The following PTPRN2 variants were observed in gnomAD, a reference collection of about 807,000 sequenced individuals.
PTPRN2 encodes the protein protein tyrosine phosphatase receptor type N2.
Under a neutral mutation model 118.8 loss-of-function variants are expected in PTPRN2, and 74 were observed. That is an observed-to-expected ratio of 0.62 (90% CI 0.52 to 0.76). The LOEUF is 0.76. Ranked by LOEUF, PTPRN2 falls within the 30% of genes least tolerant of loss-of-function variation. The probability of loss-of-function intolerance (pLI) is 0.00; values close to 1 mark genes in which losing one functional copy is unlikely to be tolerated. For synonymous variants in PTPRN2, 641 were observed against 608.0 expected (o/e 1.05, Z -0.80); for missense variants, 1,481 against 1,394.4 (o/e 1.06, Z -0.99).
intron 12 of PTPRN2, among the ~76,000 whole-genome samples, chr7:157,775,869 T>C (rs1216477544): frequency 1.3e-5 from 2 of 152,094 alleles, no homozygotes; most frequent in African/African-American, 4.8e-5. Context: ...TTGAGCCGTT[T>C]CTGTTCATGA....
rs1007946344 is a variant in PTPRN2, at chr7:157,550,472, C to T, written c.2903-1453G>A. On this transcript the variant is annotated intron_variant, in intron 21 of 22. Coordinates refer to ENST00000389418, the MANE Select transcript of PTPRN2 (RefSeq NM_002847.5). This position sits in a 1 kb window ranked among gnomAD's most constrained non-coding sequence, Gnocchi z 5.2. ...TGGAGAATCTGGCTGTCAGGACAGCCCCACAGCGGCTCCACCAGGGAGGCC... is the reference window on the plus strand; with the variant it reads ...TGGAGAATCTGGCTGTCAGGACAGCTCCACAGCGGCTCCACCAGGGAGGCC... 6.6e-6 allele frequency among the ~76,000 whole-genome samples: 1 copy of T among 152,208 alleles called. No homozygotes were observed. Among genetic ancestry groups the T allele is most frequent in the African/African-American group, 2.4e-5 (1 of 41,454 alleles).
chr7:158,296,589 G>A (rs902917068), intron 3 of PTPRN2, among the ~76,000 whole-genome samples: 4 of 152,180 alleles, frequency 2.6e-5, no homozygotes, highest in East Asian at 1.9e-4. Flanking sequence ...TGTAACACAC[G>A]CCCACTGGGG....
rs191471340 is a variant in PTPRN2 at position 157,895,164 on chromosome 7, A to T, written c.1788+3509T>A. Among the ~76,000 whole-genome samples the T allele has an allele frequency of 5.4e-5, 8 of 148,640 alleles. 1 individual carries two copies. Among genetic ancestry groups the T allele is most frequent in the African/African-American group, 2.0e-4 (8 of 40,064 alleles). ...ATAAAATAAGCCAGAGGGTCTGAAC[A>T]AGACCATAAAATAAGCCAGAGGATC... On this transcript the variant is annotated intron_variant, in intron 12 of 22. Coordinates refer to ENST00000389418, the MANE Select transcript of PTPRN2 (RefSeq NM_002847.5).
intron 1 of PTPRN2, among the ~76,000 whole-genome samples, chr7:158,520,070 T>G (rs1372319528): frequency 6.6e-6 from 1 of 152,212 alleles, no homozygotes; most frequent in Non-Finnish European, 1.5e-5. Context: ...CCCAGGGATG[T>G]CCCCCACTCA....
Position 158,451,873 on chromosome 7 carries a change from C to T in PTPRN2, c.163+37862G>A, listed in dbSNP as rs573722945. Among the ~76,000 whole-genome samples, 9 of 152,274 alleles carry T rather than the reference C, an allele frequency of 5.9e-5. No homozygotes were observed. The South Asian group carries it at 1.0e-3, about 18-fold the overall frequency. ...CGCAAAATTATTAAAAATTCCCCCA[C>T]GTTTTCTTCCAGTACTTGTAAAATT... On this transcript the variant is annotated intron_variant, in intron 2 of 22. Coordinates refer to ENST00000389418, the MANE Select transcript of PTPRN2 (RefSeq NM_002847.5).
intron 3 of PTPRN2, among the ~76,000 whole-genome samples, chr7:158,267,632 A>G (rs1392930056): frequency 1.3e-5 from 2 of 152,178 alleles, no homozygotes; most frequent in Non-Finnish European, 2.9e-5. Flanking sequence ...CTCGCCCCTG[A>G]GAGCTCCTGG....
In PTPRN2 at chr7:157,615,463, G is replaced by A. The variant is rs762739680; in HGVS notation, c.2344+5899C>T. ...GGAGGTGTTTAGCCCCGAGCCTCACGTGGAAACATCTGATGAGCCTTTGCC... is the reference window on the plus strand; with the variant it reads ...GGAGGTGTTTAGCCCCGAGCCTCACATGGAAACATCTGATGAGCCTTTGCC... On this transcript the variant is annotated intron_variant, in intron 15 of 22. Coordinates refer to ENST00000389418, the MANE Select transcript of PTPRN2 (RefSeq NM_002847.5). The surrounding 1 kb of genome is among the most constrained non-coding windows in gnomAD (Gnocchi z 4.3). 1.9e-5 allele frequency: 9 copies of A among 471,228 alleles called. No homozygotes were observed. In the East Asian group the frequency reaches 3.5e-4, roughly 18 times the overall value. The allele number at this position is 471,228 out of a possible 1,614,324, so 29.2% of individuals were successfully genotyped here. A position where few individuals can be genotyped will look rare whatever the true frequency, so the allele number is the denominator to read the frequency against.
chr7:158,450,828 G>A (rs1312556208), intron 2 of PTPRN2, among the ~76,000 whole-genome samples: 1 of 152,214 alleles, frequency 6.6e-6, no homozygotes, highest in African/African-American at 2.4e-5. Context: ...GCATCTCCCT[G>A]ACCAGGCGTA....
chr7:157,959,300 G>C (rs976558391), intron 11 of PTPRN2, among the ~76,000 whole-genome samples: 3 of 152,158 alleles, frequency 2.0e-5, no homozygotes, highest in Non-Finnish European at 4.4e-5. Context: ...ACTGGATTTG[G>C]CACTGATTTC....
In PTPRN2 at chr7:158,311,616, A is replaced by G. The variant is rs530074713; in HGVS notation, c.277+5203T>C. On this transcript the variant is annotated intron_variant, in intron 3 of 22. Transcript: ENST00000389418. The stretch of plus-strand genomic sequence containing the variant: ...AAGGTTGTGAAATTAACTCCCATTT[A>G]CCCTCCTCTTCGTGCAGAAGACTCT... 2.0e-5 allele frequency among the ~76,000 whole-genome samples: 3 copies of G among 152,234 alleles called. No homozygotes were observed. The East Asian group carries it at 5.8e-4, about 29-fold the overall frequency.
intron 3 of PTPRN2, among the ~76,000 whole-genome samples, chr7:158,266,592 A>G (rs908821807): frequency 2.0e-5 from 3 of 152,178 alleles, no homozygotes; most frequent in Non-Finnish European, 4.4e-5. Flanking sequence ...TCAGGCCTGA[A>G]TTCCGTGAAC....
At chr7:158,381,185 C>G (rs763063248) in intron 2 of PTPRN2, among the ~76,000 whole-genome samples, 1 of 152,218 alleles carries the variant, frequency 6.6e-6, no homozygotes, top group Non-Finnish European at 1.5e-5. Context: ...CAAATTTCCA[C>G]AGCTGGCTTG....
At chr7:157,889,128 G>A (rs1796650387) in intron 12 of PTPRN2, among the ~76,000 whole-genome samples, 1 of 152,020 alleles carries the variant, frequency 6.6e-6, no homozygotes, top group South Asian at 2.1e-4. Flanking sequence ...GAAAAATAAA[G>A]TCCAAAGCCC....
intron 11 of PTPRN2, among the ~76,000 whole-genome samples, chr7:157,954,798 CT>C (rs1234093757): frequency 1.3e-5 from 2 of 152,160 alleles, no homozygotes; most frequent in African/African-American, 4.8e-5. Flanking sequence ...CACAGAAGTT[CT>C]TTCTGGTATC....
chr7:157,728,399 C>T (rs1799715038), intron 12 of PTPRN2, among the ~76,000 whole-genome samples: 1 of 152,252 alleles, frequency 6.6e-6, no homozygotes, highest in African/African-American at 2.4e-5. Context: ...TGCCTCCTGC[C>T]TCTGACAGGG....
intron 1 of PTPRN2, among the ~76,000 whole-genome samples, chr7:158,577,647 C>T (rs1718157314): frequency 6.6e-6 from 1 of 152,260 alleles, no homozygotes; most frequent in African/African-American, 2.4e-5. Flanking sequence ...CTCACCTTGT[C>T]TTCATTTCCT....
chr7:157,793,937 T>C (rs1255481052), intron 12 of PTPRN2, among the ~76,000 whole-genome samples: 1 of 152,126 alleles, frequency 6.6e-6, no homozygotes, highest in African/African-American at 2.4e-5. Context: ...GAGCCAGGTC[T>C]GAGGTCAAGG....
At chr7:157,758,078 CGCAGGGGACGCGCGGGATTGACGGA>C (rs1391081742) in intron 12 of PTPRN2, among the ~76,000 whole-genome samples, 4 of 152,132 alleles carry the variant, frequency 2.6e-5, no homozygotes, top group African/African-American at 9.7e-5. Flanking sequence ...GGACTGACGG[CGCAGGGGACGCGCGGGATTGACGGA>C]GCGGGAGATG....
At chr7:158,449,258 T>C (rs1348894286) in intron 2 of PTPRN2, among the ~76,000 whole-genome samples, 2 of 152,132 alleles carry the variant, frequency 1.3e-5, no homozygotes, top group African/African-American at 4.8e-5. Context: ...CAGGTACATG[T>C]CAATCCCACA....
Sources: gnomAD v4.1 joint callset for allele counts (sites outside exome capture counted in the v4.1 genomes callset) on GRCh38, gnomAD v4.1.1 for gene constraint, Gnocchi (gnomAD v3.1) non-coding constraint, MANE v1.5 for transcripts, NCBI Gene and HGNC (gene_info 2026-07-23, HGNC 2026-07-21) for gene names.